NPR3: variants seen among roughly 807,000 people sequenced by gnomAD.
NPR3 encodes the protein atrial natriuretic peptide receptor 3.
Under a neutral mutation model 54.5 loss-of-function variants are expected in NPR3, and 34 were observed. That is an observed-to-expected ratio of 0.62 (90% CI 0.47 to 0.83). The LOEUF (loss-of-function observed/expected upper bound fraction) is 0.83. Among genes scored for constraint, NPR3 ranks in the 40% least tolerant of loss-of-function variants. The pLI, the probability that NPR3 is intolerant of heterozygous loss-of-function variation, is 0.00. For missense variants in NPR3, 674 were observed against 720.8 expected (o/e 0.94, Z 0.74); for synonymous variants, 289 against 297.1 (o/e 0.97, Z 0.28).
chr5:32,783,150 G>A, intron 6 of NPR3, 122 bp downstream of exon 6: 1 of 867,752 alleles, frequency 1.2e-6, no homozygotes, highest in Non-Finnish European at 1.7e-6. Flanking sequence ...TTTCTCTGAT[G>A]TGGTAAAACG....
chr5:32,739,179 GTGTGTT>G (rs1407770312), intron 3 of NPR3, 149 bp downstream of exon 3: 1 of 638,982 alleles, frequency 1.6e-6, no homozygotes, highest in Non-Finnish European at 2.4e-6. Context: ...GTGTGTGTGT[GTGTGTT>G]TTTTTTTTTT....
chr5:32,712,953 C>T (rs1176049517), intron 1 of NPR3, among the ~76,000 whole-genome samples: 1 of 152,194 alleles, frequency 6.6e-6, no homozygotes, highest in Non-Finnish European at 1.5e-5. Flanking sequence ...AGTCCTTTGC[C>T]AGCGTGCGCC....
intron 3 of NPR3, among the ~76,000 whole-genome samples, chr5:32,757,983 TGC>T (rs1481302528): frequency 2.0e-5 from 3 of 152,198 alleles, no homozygotes; most frequent in Non-Finnish European, 4.4e-5. Flanking sequence ...CTTTTTGATG[TGC>T]TGCTGGATTC....
upstream of NPR3, among the ~76,000 whole-genome samples, chr5:32,705,331 G>C (rs1446680813): frequency 6.6e-6 from 1 of 152,188 alleles, no homozygotes; most frequent in Admixed American, 6.5e-5. Context: ...AACCAATCTT[G>C]TTTGTGCCTG....
chr5:32,759,176 G>A (rs569053791), intron 3 of NPR3, among the ~76,000 whole-genome samples: 10 of 152,214 alleles, frequency 6.6e-5, no homozygotes, highest in East Asian at 1.9e-4. Context: ...TTTCTGTCTC[G>A]TTGATCTGTC....
intron 3 of NPR3, among the ~76,000 whole-genome samples, chr5:32,769,353 T>A (rs979690821): frequency 6.6e-6 from 1 of 152,196 alleles, no homozygotes; most frequent in Non-Finnish European, 1.5e-5. Context: ...TTCCTTCTGC[T>A]ATCTACCACC....
chr5:32,724,946 T>C (rs535030251), intron 2 of NPR3, 126 bp downstream of exon 2: 4 of 1,052,890 alleles, frequency 3.8e-6, no homozygotes, highest in East Asian at 5.0e-5. Context: ...TGCAGCTTTA[T>C]AAAACAATGG....
At position 32,739,011 on chromosome 5, in the gene NPR3, G is replaced by T. The variant is rs760331365; in HGVS notation, c.1040G>T (p.Gly347Val). 2.5e-6 allele frequency: 4 copies of T among 1,613,822 alleles called. No homozygotes were observed. The East Asian group carries it at 8.9e-5, about 36-fold the overall frequency. The change falls in exon 3 of 8, where the codon GGG becomes GTG. Residue 347 changes from glycine (G) to valine (V), a missense_variant. Coordinates refer to ENST00000265074, the MANE Select transcript of NPR3 (RefSeq NM_001204375.2). ...GTGAAAAGTTCAGTTGAGAAACAAG[G>T]GCTCAATATGGAGGATTACGTAAGT... ...MEVKSSVEKQGLNMEDYVNMF... is the reference protein window; with the variant it reads ...MEVKSSVEKQVLNMEDYVNMF...
intron 2 of NPR3, among the ~76,000 whole-genome samples, chr5:32,734,319 G>A (rs753807327): frequency 4.6e-5 from 7 of 152,176 alleles, no homozygotes; most frequent in Non-Finnish European, 8.8e-5. Flanking sequence ...GACACATTCT[G>A]TGATGTCTCA....
intron 1 of NPR3, chr5:32,716,278 G>C: frequency 1.4e-5 from 5 of 358,444 alleles, no homozygotes; most frequent in South Asian, 1.1e-4. Context: ...GGAGAAAAAG[G>C]TTCCTGTCTC....
intron 3 of NPR3, among the ~76,000 whole-genome samples, chr5:32,754,547 C>G (rs1740737234): frequency 1.3e-5 from 2 of 152,020 alleles, no homozygotes; most frequent in Non-Finnish European, 2.9e-5. Flanking sequence ...GGATTCAGCC[C>G]TCTTACTGAT....
chr5:32,743,444 TGA>T (rs944151716), intron 3 of NPR3, among the ~76,000 whole-genome samples: 6 of 152,182 alleles, frequency 3.9e-5, no homozygotes, highest in African/African-American at 1.4e-4. Context: ...TGTGTAGATT[TGA>T]GTGTTTGAAT....
chr5:32,776,856 C>G (rs995574406), intron 4 of NPR3, among the ~76,000 whole-genome samples: 2 of 151,932 alleles, frequency 1.3e-5, no homozygotes, highest in African/African-American at 2.4e-5. Flanking sequence ...CTAGAAAATG[C>G]CAGGCAAGGA....
At chr5:32,755,693 T>G (rs1740798990) in intron 3 of NPR3, among the ~76,000 whole-genome samples, 1 of 152,200 alleles carries the variant, frequency 6.6e-6, no homozygotes, top group African/African-American at 2.4e-5. Flanking sequence ...GAAGAGTGGT[T>G]TGGAAAGATC....
At chr5:32,695,261 T>C (rs1281953135) in intron 1 of NPR3, among the ~76,000 whole-genome samples, 1 of 152,176 alleles carries the variant, frequency 6.6e-6, no homozygotes, top group Non-Finnish European at 1.5e-5. Flanking sequence ...GCTCTATTTT[T>C]AGTTTTCTTT....
At chr5:32,769,841 G>A (rs193291932) in intron 3 of NPR3, among the ~76,000 whole-genome samples, 1 of 152,294 alleles carries the variant, frequency 6.6e-6, no homozygotes, top group Non-Finnish European at 1.5e-5. Context: ...ATGCTGACTT[G>A]TTTGGAACAC....
intron 3 of NPR3, among the ~76,000 whole-genome samples, chr5:32,765,647 A>G (rs987697063): frequency 6.6e-6 from 1 of 152,216 alleles, no homozygotes; most frequent in Non-Finnish European, 1.5e-5. Flanking sequence ...TGGACTGGTG[A>G]GTGAAACAAT....
intron 1 of NPR3, among the ~76,000 whole-genome samples, chr5:32,700,631 G>A (rs1287752189): frequency 1.3e-5 from 2 of 151,788 alleles, no homozygotes; most frequent in South Asian, 4.2e-4. Flanking sequence ...CCACCTATGA[G>A]TGAGAACATG....
Position 32,789,534 on chromosome 5 carries a change from A to G in NPR3, c.*3189A>G. On this transcript the variant is annotated 3_prime_UTR_variant, in exon 8 of 8. Coordinates refer to ENST00000265074, the MANE Select transcript of NPR3 (RefSeq NM_001204375.2). ...AGAACCCATGTTTAATGGAGGGAAG[A>G]GAGAAATGCATGGGAAAAGAACACC... 1.9e-6 allele frequency: 1 copy of G among 534,720 alleles called. No homozygotes were observed. Among genetic ancestry groups the G allele is most frequent in the South Asian group, 1.4e-5 (1 of 71,590 alleles). 33.1% of individuals were successfully genotyped at this position (534,720 alleles called of 1,614,324 possible).
Sources: gnomAD v4.1 joint callset for allele counts (sites outside exome capture counted in the v4.1 genomes callset) on GRCh38, gnomAD v4.1.1 for gene constraint, MANE v1.5 for transcripts, NCBI Gene and HGNC (gene_info 2026-07-23, HGNC 2026-07-21) for gene names.